The following IQSEC1 variants were observed in gnomAD, a reference collection of about 807,000 sequenced individuals.
IQSEC1 encodes the protein IQ motif and Sec7 domain ArfGEF 1.
In IQSEC1, 31 loss-of-function variants were observed where a neutral mutation model predicts 91.0. The ratio of observed to expected loss-of-function variants is 0.34; its 90% CI spans 0.26 to 0.46. The LOEUF is 0.46. IQSEC1 is among the 20% of genes least tolerant of loss of function. The probability of loss-of-function intolerance (pLI) is 1.00; values close to 1 mark genes in which losing one functional copy is unlikely to be tolerated. For synonymous variants in IQSEC1, 699 were observed against 662.6 expected, an observed-to-expected ratio of 1.05 and a Z score of -0.84; for missense variants, 1,388 against 1,575.6, an observed-to-expected ratio of 0.88 and a Z score of 2.02.
In IQSEC1 at chr3:12,983,514, G is replaced by C. The variant is rs1345966981; in HGVS notation, c.24-41649C>G. Among the ~76,000 whole-genome samples the C allele has an allele frequency of 2.6e-5, 4 of 152,174 alleles. No individual in the cohort carries two copies. The highest frequency in any genetic ancestry group is 9.7e-5 in the African/African-American group (4 of 41,426). On this transcript the variant is annotated intron_variant, in intron 1 of 13. Coordinates refer to ENST00000613206, the MANE Select transcript of IQSEC1 (RefSeq NM_001134382.3). The surrounding 1 kb of genome is among the most constrained non-coding windows in gnomAD (Gnocchi z 4.3). The stretch of plus-strand genomic sequence containing the variant: ...CACCCTGCTGGAGAACTGCAGCCTG[G>C]CCTTCCTAGCCCCGAGACAGAGCGG...
rs1371009034 is a variant in IQSEC1 at position 13,166,179 on chromosome 3, G to GT, written c.273-2047dup. Among the ~76,000 whole-genome samples, 8 of 152,202 alleles carry GT rather than the reference G, an allele frequency of 5.3e-5. No homozygotes were observed. The South Asian group carries it at 8.3e-4, about 16-fold the overall frequency. ...AGCATTTGCTGTCTTCAGCTCCTAC[G>GT]TTTTTGGGGTCACTTGTTACATGGT... On this transcript the variant is annotated intron_variant, in intron 1 of 15. Transcript: ENST00000648114.
At chr3:13,198,067 AGAT>A (rs1694168502) in intron 1 of IQSEC1, among the ~76,000 whole-genome samples, 1 of 152,160 alleles carries the variant, frequency 6.6e-6, no homozygotes, top group Non-Finnish European at 1.5e-5. Context: ...GAAAGGACAG[AGAT>A]GATGACCCTT....
chr3:13,038,260 G>GTATATATATATATATATA (rs1452632242), intron 1 of IQSEC1, among the ~76,000 whole-genome samples: 16 of 62,364 alleles, frequency 2.6e-4, no homozygotes, highest in South Asian at 1.3e-3. Flanking sequence ...GTGTGTGTGT[G>GTATATATATATATATATA]TGTATATATA....
At chr3:12,920,760 C>T (rs1438418426) in intron 5 of IQSEC1, among the ~76,000 whole-genome samples, 164 bp from the exon 6 acceptor site, 2 of 152,232 alleles carry the variant, frequency 1.3e-5, no homozygotes, top group Non-Finnish European at 2.9e-5. Flanking sequence ...CACTTGCCCT[C>T]CTCACTCTAC....
At chr3:13,232,438 C>T (rs1694854139) in intron 1 of IQSEC1, among the ~76,000 whole-genome samples, 1 of 152,182 alleles carries the variant, frequency 6.6e-6, no homozygotes, top group South Asian at 2.1e-4. Flanking sequence ...GCAGGAAACG[C>T]TTGTAGCAGT....
At chr3:13,247,995 A>G (rs1398640776) in intron 1 of IQSEC1, among the ~76,000 whole-genome samples, 1 of 152,188 alleles carries the variant, frequency 6.6e-6, no homozygotes, top group African/African-American at 2.4e-5. Context: ...GGTCAAGTCC[A>G]AGCTCGTGGG....
In IQSEC1 at chr3:12,954,993, G is replaced by T. The variant is rs183642116; in HGVS notation, c.24-13128C>A. Among the ~76,000 whole-genome samples, 13 of 152,322 alleles carry T rather than the reference G, an allele frequency of 8.5e-5. No homozygotes were observed. The East Asian group carries it at 2.3e-3, about 27-fold the overall frequency. The stretch of plus-strand genomic sequence containing the variant: ...GGCTGCTGCTCTCTCATTTACAGGT[G>T]GGGGCACCGAAGCCTGGAGAGAACA... On this transcript the variant is annotated intron_variant, in intron 1 of 13. Transcript: ENST00000613206.
intron 1 of IQSEC1, among the ~76,000 whole-genome samples, chr3:13,255,993 A>G (rs796173842): frequency 1.3e-5 from 2 of 152,322 alleles, no homozygotes; most frequent in African/African-American, 4.8e-5. Flanking sequence ...TTTGGATCCT[A>G]CAATGCACAG....
rs1706975958 is a variant in IQSEC1, at chr3:13,150,396, T to C, written c.302+13708A>G. Among the ~76,000 whole-genome samples, 5 of 152,200 alleles carry C rather than the reference T, an allele frequency of 3.3e-5. 1 individual carries two copies. In the South Asian group the frequency reaches 8.3e-4, roughly 25 times the overall value. ...ATGTGGTTGGTTTTTCGAATTAAGT[T>C]TTTAAACTTGTCAGCTTAGCAGGGA... is the stretch of plus-strand genomic sequence containing the variant. On this transcript the variant is annotated intron_variant, in intron 2 of 15. Coordinates refer to the IQSEC1 transcript ENST00000648114.
At chr3:12,939,186 G>A (rs899798782) in intron 2 of IQSEC1, among the ~76,000 whole-genome samples, 2 of 152,242 alleles carry the variant, frequency 1.3e-5, no homozygotes, top group Non-Finnish European at 2.9e-5. Context: ...GCTCAGCGGA[G>A]GGAAGCCGCT....
At chr3:13,233,194 T>A (rs1297532071) in intron 1 of IQSEC1, among the ~76,000 whole-genome samples, 1 of 152,182 alleles carries the variant, frequency 6.6e-6, no homozygotes, top group African/African-American at 2.4e-5. Flanking sequence ...AAATGCAGAT[T>A]CCAGGGCAGA....
At chr3:13,204,613 C>T (rs1210539834) in intron 1 of IQSEC1, among the ~76,000 whole-genome samples, 1 of 152,158 alleles carries the variant, frequency 6.6e-6, no homozygotes, top group Non-Finnish European at 1.5e-5. Flanking sequence ...GGAGATCGCC[C>T]GGGATTCCTG....
intron 2 of IQSEC1, among the ~76,000 whole-genome samples, chr3:13,113,458 A>T (rs1706284577): frequency 6.6e-6 from 1 of 152,160 alleles, no homozygotes; most frequent in African/African-American, 2.4e-5. Context: ...CTGTGTGAAG[A>T]TGAGGGAAGT....
At chr3:13,055,285 C>A (rs1001362560) in intron 1 of IQSEC1, among the ~76,000 whole-genome samples, 2 of 152,210 alleles carry the variant, frequency 1.3e-5, no homozygotes, top group Admixed American at 1.3e-4. Context: ...GGTAGCGAGG[C>A]GGAAGCCCTG....
At chr3:13,200,525 C>T (rs1051506851) in intron 1 of IQSEC1, among the ~76,000 whole-genome samples, 3 of 152,244 alleles carry the variant, frequency 2.0e-5, no homozygotes, top group African/African-American at 7.2e-5. Flanking sequence ...AGGGCTGGAT[C>T]CCTTTCCAGA....
chr3:13,086,468 G>A (rs895179840), intron 2 of IQSEC1, among the ~76,000 whole-genome samples: 5 of 152,214 alleles, frequency 3.3e-5, no homozygotes, highest in Admixed American at 6.5e-5. Flanking sequence ...GGGAACCAGC[G>A]GGCGTCTTTT....
intron 1 of IQSEC1, among the ~76,000 whole-genome samples, chr3:13,062,766 T>C (rs360757): frequency 0.66 from 99,901 of 152,010 alleles, 33,135 homozygotes; most frequent in East Asian, 0.86. Context: ...AGCCTTAAGA[T>C]ACAGGCAGTG....
intron 1 of IQSEC1, among the ~76,000 whole-genome samples, chr3:13,036,456 A>C (rs539131658): frequency 4.6e-5 from 7 of 152,172 alleles, no homozygotes; most frequent in East Asian, 1.9e-4. Context: ...AACAAAAATA[A>C]TTTTTTTTAA....
At chr3:12,914,539 G>A (rs989702954) in intron 8 of IQSEC1, among the ~76,000 whole-genome samples, 11 of 152,208 alleles carry the variant, frequency 7.2e-5, no homozygotes, top group Non-Finnish European at 8.8e-5. Context: ...GGGAGCACTG[G>A]CTGGAGGTGG....
Sources: gnomAD v4.1 joint callset for allele counts (sites outside exome capture counted in the v4.1 genomes callset) on GRCh38, gnomAD v4.1.1 for gene constraint, Gnocchi (gnomAD v3.1) non-coding constraint, MANE v1.5 for transcripts, NCBI Gene and HGNC (gene_info 2026-07-23, HGNC 2026-07-21) for gene names.